The following TLK2 variants were observed in gnomAD, a reference collection of about 807,000 sequenced individuals.
The protein encoded by TLK2 is tousled like kinase 2.
Under a neutral mutation model 117.3 loss-of-function variants are expected in TLK2, and 6 were observed. The ratio of observed to expected loss-of-function variants is 0.05; its 90% CI spans 0.03 to 0.10. The LOEUF (loss-of-function observed/expected upper bound fraction) is 0.10, where lower values mean the gene tolerates loss of function less well. Ranked by LOEUF, TLK2 falls within the 10% of genes least tolerant of loss-of-function variation. TLK2 has a pLI of 1.00. For synonymous variants in TLK2, 257 were observed against 316.7 expected, an observed-to-expected ratio of 0.81 and a Z score of 2.00; for missense variants, 299 against 901.2, an observed-to-expected ratio of 0.33 and a Z score of 8.56.
chr17:62,582,881 A>C (rs956708354), intron 15 of TLK2, among the ~76,000 whole-genome samples: 4 of 152,100 alleles, frequency 2.6e-5, no homozygotes, highest in African/African-American at 9.7e-5. Flanking sequence ...GACTCATACT[A>C]CGTCTTTTTA....
intron 16 of TLK2, among the ~76,000 whole-genome samples, chr17:62,592,717 G>A (rs986142110): frequency 2.0e-5 from 3 of 152,134 alleles, no homozygotes; most frequent in Non-Finnish European, 4.4e-5. Context: ...TGATTCAAGC[G>A]CATTACATTT....
chr17:62,611,646 A>T (rs765686295), intron 21 of TLK2, among the ~76,000 whole-genome samples: 13 of 152,340 alleles, frequency 8.5e-5, no homozygotes, highest in East Asian at 3.9e-4. Flanking sequence ...AGATTTTTTT[A>T]AATTAATTTA....
intron 21 of TLK2, 80 bp from the exon 22 acceptor site, chr17:62,612,312 C>A: frequency 6.8e-7 from 1 of 1,471,430 alleles, no homozygotes; most frequent in Non-Finnish European, 9.2e-7. Context: ...TGGGCCCTGG[C>A]AGCCGATAGA....
upstream of TLK2, among the ~76,000 whole-genome samples, chr17:62,476,565 A>G (rs2071050383): frequency 6.6e-6 from 1 of 150,442 alleles, no homozygotes; most frequent in South Asian, 2.1e-4. Context: ...CCCGGGCGAC[A>G]GTGTGAGACT....
intron 11 of TLK2, among the ~76,000 whole-genome samples, chr17:62,569,434 CTTT>C (rs200412545): frequency 1.1e-4 from 10 of 87,214 alleles, no homozygotes; most frequent in Admixed American, 1.4e-4. Context: ...GAAATACGTG[CTTT>C]TTTTTTTTTT....
intron 6 of TLK2, among the ~76,000 whole-genome samples, chr17:62,526,285 C>T (rs2076362996): frequency 6.6e-6 from 1 of 152,206 alleles, no homozygotes; most frequent in Non-Finnish European, 1.5e-5. Flanking sequence ...TCATGTATAC[C>T]TCTCACTGCC....
At chr17:62,562,453 C>T (rs1461309098) in intron 10 of TLK2, among the ~76,000 whole-genome samples, 1 of 152,116 alleles carries the variant, frequency 6.6e-6, no homozygotes, top group Non-Finnish European at 1.5e-5. Flanking sequence ...ACTCTTATAA[C>T]TTAATCATAA....
intron 2 of TLK2, among the ~76,000 whole-genome samples, chr17:62,514,270 A>G (rs1471973757): frequency 6.6e-6 from 1 of 151,518 alleles, no homozygotes; most frequent in Non-Finnish European, 1.5e-5. Context: ...CAGCCTCCCA[A>G]GTAGCTGGGA....
chr17:62,600,579 T>C, intron 17 of TLK2, 72 bp from the exon 18 acceptor site: 3 of 1,338,292 alleles, frequency 2.2e-6, no homozygotes, highest in Non-Finnish European at 3.0e-6. Flanking sequence ...AGTTTTCACA[T>C]GGGACTAATT....
chr17:62,585,508 A>T (rs1171493298), intron 15 of TLK2: 1 of 152,464 alleles, frequency 6.6e-6, no homozygotes, highest in East Asian at 1.9e-4. Flanking sequence ...GTTGCACTCC[A>T]GCCTGGGCGA....
At chr17:62,564,940 A>C in intron 10 of TLK2, 61 bp from the exon 11 acceptor site, 1 of 1,543,884 alleles carries the variant, frequency 6.5e-7, no homozygotes, top group Non-Finnish European at 8.7e-7. Flanking sequence ...TTAGTTTCTA[A>C]GAAGTGTCTT....
At chr17:62,569,573 C>T (rs1009809604) in intron 11 of TLK2, among the ~76,000 whole-genome samples, 4 of 150,602 alleles carry the variant, frequency 2.7e-5, no homozygotes, top group Admixed American at 6.7e-5. Context: ...GTAGCTGGGA[C>T]TACAGGCACA....
intron 7 of TLK2, among the ~76,000 whole-genome samples, chr17:62,549,418 A>AAAAAAAAAAAAAAAAG (rs1567898076): frequency 0.011 from 98 of 8,546 alleles, 16 homozygotes; most frequent in Non-Finnish European, 0.046. Flanking sequence ...AAAAAAAAAA[A>AAAAAAAAAAAAAAAAG]AAAAAAAAAA....
At chr17:62,578,403 ATTG>A in intron 13 of TLK2, 71 bp from the exon 14 acceptor site, 1 of 1,160,008 alleles carries the variant, frequency 8.6e-7, no homozygotes, top group Non-Finnish European at 1.3e-6. Flanking sequence ...AATGTCTGCT[ATTG>A]TTTTTGAAAT....
intron 11 of TLK2, among the ~76,000 whole-genome samples, chr17:62,565,542 ACTTGGGAGG>A (rs1217331732): frequency 6.6e-6 from 1 of 150,410 alleles, no homozygotes; most frequent in Non-Finnish European, 1.5e-5. Flanking sequence ...AATCCCAGCT[ACTTGGGAGG>A]CTGAGGCAGA....
intron 2 of TLK2, 149 bp from the exon 3 acceptor site, chr17:62,520,624 C>T (rs1168365323): frequency 1.1e-5 from 8 of 697,362 alleles, no homozygotes; most frequent in Non-Finnish European, 1.5e-5. Flanking sequence ...TTGCAGTGAG[C>T]CGAGATCACG....
rs750401899 is a variant in TLK2, at chr17:62,600,675, T to C, written c.1575T>C (p.Cys525=). 1.2e-5 allele frequency: 19 copies of C among 1,610,344 alleles called. No homozygotes were observed. Among genetic ancestry groups the C allele is most frequent in the Non-Finnish European group, 1.0e-5 (12 of 1,179,390 alleles). Residue 525 remains cysteine, a synonymous_variant, in exon 18 of 22, where the codon TGT becomes TGC. Transcript: ENST00000346027. ...TDSFCTVLEY[C]EGNDLDFYLK... is the part of the protein sequence containing the mutation. ...GGTTTTGTACAGTATTAGAATACTG[T>C]GAGGGAAATGATCTGGACTTCTACC...
intron 16 of TLK2, among the ~76,000 whole-genome samples, chr17:62,586,889 G>T (rs1044671247): frequency 4.0e-5 from 6 of 151,816 alleles, no homozygotes; most frequent in Non-Finnish European, 7.4e-5. Context: ...CTGGTGGGCT[G>T]TTTCTGCTAC....
intron 7 of TLK2, among the ~76,000 whole-genome samples, chr17:62,540,099 C>CTTTTTTTTTTTTTTTT (rs571889873): frequency 2.4e-5 from 3 of 125,104 alleles, no homozygotes; most frequent in Non-Finnish European, 3.5e-5. Context: ...TCTTTCTTTT[C>CTTTTTTTTTTTTTTTT]TTTTTTTTTT....
Sources: gnomAD v4.1 joint callset for allele counts (sites outside exome capture counted in the v4.1 genomes callset) on GRCh38, gnomAD v4.1.1 for gene constraint, MANE v1.5 for transcripts, NCBI Gene and HGNC (gene_info 2026-07-23, HGNC 2026-07-21) for gene names.